Variants in WEE2 observed in about 807,000 individuals in gnomAD.
WEE2 encodes the protein wee1-like protein kinase 2.
A neutral mutation model predicts 60.1 loss-of-function variants in WEE2; 50 were observed. The observed-to-expected ratio is 0.83, with a 90% CI of 0.66 to 1.05. The LOEUF (loss-of-function observed/expected upper bound fraction) is 1.05. Ranked by LOEUF, WEE2 falls within the 50% of genes least tolerant of loss-of-function variation. The pLI, the probability that WEE2 is intolerant of heterozygous loss-of-function variation, is 0.00. For synonymous variants in WEE2, 240 were observed against 241.0 expected, an observed-to-expected ratio of 1.00 and a Z score of 0.04; for missense variants, 631 against 684.3, an observed-to-expected ratio of 0.92 and a Z score of 0.87.
intron 10 of WEE2, 35 bp downstream of exon 10, chr7:141,727,481 T>G (rs775837930): frequency 1.9e-6 from 3 of 1,611,288 alleles, no homozygotes; most frequent in Non-Finnish European, 2.5e-6. Flanking sequence ...CAAGAAAGAA[T>G]CTGAGCACTA....
intron 9 of WEE2, 196 bp from the exon 10 acceptor site, chr7:141,727,108 G>T (rs1294055348): frequency 1.9e-6 from 1 of 536,248 alleles, no homozygotes; most frequent in African/African-American, 1.9e-5. Context: ...CAAAGGTGTG[G>T]ACAACTGGTG....
intron 1 of WEE2, among the ~76,000 whole-genome samples, chr7:141,710,690 T>C (rs983300360): frequency 1.3e-5 from 2 of 152,044 alleles, no homozygotes; most frequent in African/African-American, 2.4e-5. Flanking sequence ...AAGAGGGGAA[T>C]AGGAATTCTA....
At position 141,714,355 on chromosome 7, in the gene WEE2, T is replaced by C; in HGVS notation, c.489T>C (p.Tyr163=). ...TTAATCCCTTCACTCCAGAGTCCTATAAAAAATTATTTCTTCAATCTGGTG... is the reference window on the plus strand; with the variant it reads ...TTAATCCCTTCACTCCAGAGTCCTACAAAAAATTATTTCTTCAATCTGGTG... ...VNINPFTPES[Y]KKLFLQSGGK... is the part of the protein sequence containing the mutation. The change falls in exon 2 of 12, where the codon TAT becomes TAC. Residue 163 remains tyrosine (Y), a synonymous_variant. Transcript: ENST00000397541. 1 of 1,612,692 alleles carries C rather than the reference T, an allele frequency of 6.2e-7. No individual in the cohort carries two copies. Among genetic ancestry groups the C allele is most frequent in the Non-Finnish European group, 8.5e-7 (1 of 1,179,524 alleles).
At chr7:141,731,268 CTTTGT>C (rs1799136832) in exon 12 of WEE2, 1 of 151,982 alleles carries the variant, frequency 6.6e-6, no homozygotes, top group Admixed American at 6.6e-5. Flanking sequence ...TAATACTATT[CTTTGT>C]TCTGCTTTGG....
Position 141,727,426 on chromosome 7 carries a change from C to A in WEE2, c.1515C>A (p.Phe505Leu), listed in dbSNP as rs1192539978. Residue 505 changes from phenylalanine to leucine, a missense_variant, in exon 10 of 12, where the codon TTC becomes TTA. By Grantham distance (22) the Phe-to-Leu change is conservative. Coordinates refer to ENST00000397541, the MANE Select transcript of WEE2 (RefSeq NM_001105558.1). ...AACAGCAGCTGAATTTGGAAAAGTT[C>A]AAGACTGCCACACTGGAAAGGTATA... ...ELQQQLNLEK[F>L]KTATLERELR... 1 of 1,614,142 alleles carries A rather than the reference C, an allele frequency of 6.2e-7. No individual in the cohort carries two copies.
At chr7:141,724,932 A>T in intron 8 of WEE2, 94 bp from the exon 9 acceptor site, 1 of 1,391,642 alleles carries the variant, frequency 7.2e-7, no homozygotes, top group Non-Finnish European at 9.9e-7. Flanking sequence ...TAAACCTTAT[A>T]TGCACTCGAA....
In WEE2 at chr7:141,712,549, G is replaced by A. The variant is rs116126693; in HGVS notation, c.343-1660G>A. Reference sequence around the variant, plus strand: ...CTATGTTATTTGAGATTTTGAAAGGGTTACTCATAATTCTATTATTCCAGC... The same window carrying A: ...CTATGTTATTTGAGATTTTGAAAGGATTACTCATAATTCTATTATTCCAGC... On this transcript the variant is annotated intron_variant, in intron 1 of 11. Coordinates refer to ENST00000397541, the MANE Select transcript of WEE2 (RefSeq NM_001105558.1). 9.8e-3 allele frequency among the ~76,000 whole-genome samples: 1,485 copies of A among 152,162 alleles called. 26 individuals are homozygous for A. The highest frequency in any genetic ancestry group is 0.033 in the African/African-American group (1,375 of 41,500).
rs73520123 is a variant in WEE2, at chr7:141,725,213, G to A, written c.1392+17G>A. ...CTGCTCAAGGTGATAGCTCTTACGA[G>A]ATGAACAGAAGATGCAATATCTATT... On this transcript the variant is annotated intron_variant, in intron 9 of 11. Transcript: ENST00000397541. The A allele has an allele frequency of 2.7e-3, 4,367 of 1,604,066 alleles. 112 individuals carry two copies. In the African/African-American group the frequency reaches 0.052, roughly 19 times the overall value.
At chr7:141,727,580 C>T in intron 10 of WEE2, 134 bp downstream of exon 10, 1 of 1,160,154 alleles carries the variant, frequency 8.6e-7, no homozygotes, top group South Asian at 1.8e-5. Context: ...TCCCTGCCCA[C>T]AAGGAAACTG....
intron 3 of WEE2, among the ~76,000 whole-genome samples, chr7:141,718,315 T>C (rs951940457): frequency 2.0e-5 from 3 of 152,228 alleles, no homozygotes; most frequent in African/African-American, 7.2e-5. Context: ...GAGAATTTAC[T>C]ATGTACTTGA....
At chr7:141,719,328 G>A (rs763461800) in intron 4 of WEE2, 84 bp downstream of exon 4, 74 of 1,248,588 alleles carry the variant, frequency 5.9e-5, no homozygotes, top group Admixed American at 7.3e-5. Context: ...TTAAAGCACC[G>A]ATGTCATTAA....
At chr7:141,717,566 T>C (rs1375274197) in intron 3 of WEE2, among the ~76,000 whole-genome samples, 1 of 152,214 alleles carries the variant, frequency 6.6e-6, no homozygotes, top group African/African-American at 2.4e-5. Flanking sequence ...ACCTTTGAAA[T>C]TTCAAAACAA....
rs762229829 is a variant in WEE2, at chr7:141,725,108, C to T, written c.1304C>T (p.Thr435Ile). The T allele has an allele frequency of 3.1e-6, 5 of 1,614,194 alleles. No homozygotes were observed. The South Asian group carries it at 3.3e-5, about 11-fold the overall frequency. Reference sequence around the variant, plus strand: ...GCTGCAGGAGCAGAGTCATTGCCCACCAATGGTGCTGCATGGCACCATATC... The same window carrying T: ...GCTGCAGGAGCAGAGTCATTGCCCATCAATGGTGCTGCATGGCACCATATC... ...AVAAGAESLP[T>I]NGAAWHHIRK... Residue 435 changes from threonine (T) to isoleucine (I), a missense_variant, in exon 9 of 12, where the codon ACC (threonine) becomes ATC (isoleucine). Transcript: ENST00000397541.
chr7:141,719,191 A>G lies in WEE2; in HGVS notation c.705A>G (p.Gly235=). 2.5e-6 allele frequency: 4 copies of G among 1,613,950 alleles called. No individual in the cohort carries two copies. The highest frequency in any genetic ancestry group is 3.4e-6 in the Non-Finnish European group (4 of 1,179,894). The part of the protein sequence containing the change: ...TVYKCIKRLD[G]CVYAIKRSMK... ...ACAAGTGCATTAAGAGGCTGGATGGATGTGTTTATGCAATAAAGCGCTCTA... is the reference window on the plus strand; with the variant it reads ...ACAAGTGCATTAAGAGGCTGGATGGGTGTGTTTATGCAATAAAGCGCTCTA... Residue 235 remains glycine, a synonymous_variant, in exon 4 of 12, where the codon GGA becomes GGG. Coordinates refer to ENST00000397541, the MANE Select transcript of WEE2 (RefSeq NM_001105558.1).
intron 3 of WEE2, among the ~76,000 whole-genome samples, chr7:141,717,351 A>G (rs1798824059): frequency 6.6e-6 from 1 of 152,242 alleles, no homozygotes; most frequent in Admixed American, 6.5e-5. Flanking sequence ...AAAGGCGGCC[A>G]CTGGCACAGG....
intron 4 of WEE2, among the ~76,000 whole-genome samples, chr7:141,720,136 T>C (rs952894869): frequency 2.2e-5 from 3 of 139,000 alleles, no homozygotes; most frequent in South Asian, 2.3e-4. Context: ...GGTTTTAGAA[T>C]TCCTCTTTTT....
intron 11 of WEE2, 142 bp downstream of exon 11, chr7:141,729,815 C>G (rs1799098223): frequency 1.0e-6 from 1 of 977,464 alleles, no homozygotes; most frequent in Non-Finnish European, 1.5e-6. Context: ...GGTGAAACCC[C>G]ATCTCTACTA....
At chr7:141,727,851 C>T (rs1799047114) in intron 10 of WEE2, 1 of 175,782 alleles carries the variant, frequency 5.7e-6, no homozygotes, top group Non-Finnish European at 1.2e-5. Context: ...GGTAGACATA[C>T]TGTCCTGGTA....
At chr7:141,714,492 C>T (rs761837757) in intron 2 of WEE2, 87 bp downstream of exon 2, 750 of 1,027,916 alleles carry the variant, frequency 7.3e-4, no homozygotes, top group Non-Finnish European at 9.2e-4. Flanking sequence ...AGATTAGGAA[C>T]GAGAACTCTA....
Sources: gnomAD v4.1 joint callset for allele counts (sites outside exome capture counted in the v4.1 genomes callset) on GRCh38, gnomAD v4.1.1 for gene constraint, MANE v1.5 for transcripts, NCBI Gene and HGNC (gene_info 2026-07-23, HGNC 2026-07-21) for gene names.